RAD50: variants seen among roughly 807,000 people sequenced by gnomAD.
RAD50 encodes the protein RAD50 double strand break repair protein.
RAD50 carries 132 observed loss-of-function variants against 168.8 expected under a neutral mutation model. The ratio of observed to expected loss-of-function variants is 0.78; its 90% confidence interval spans 0.68 to 0.90. RAD50 has a LOEUF of 0.90. Among genes scored for constraint, RAD50 ranks in the 40% least tolerant of loss-of-function variants. The probability of loss-of-function intolerance (pLI) is 0.00; values close to 1 mark genes in which losing one functional copy is unlikely to be tolerated. For synonymous variants in RAD50, 525 were observed against 497.4 expected, an observed-to-expected ratio of 1.06 and a Z score of -0.74; for missense variants, 1,347 against 1,534.4, an observed-to-expected ratio of 0.88 and a Z score of 2.04.
At position 132,568,064 on chromosome 5, in the gene RAD50, A is replaced by T. The variant is rs576814777; in HGVS notation, c.214-7713A>T. On this transcript the variant is annotated intron_variant, in intron 2 of 24. Transcript: ENST00000378823. The stretch of plus-strand genomic sequence containing the variant: ...AATTAGCAGACAAGGATTTTTTTTT[A>T]AATTTTTTTTAAATTTTTTTTTTTG... 1.9e-3 allele frequency among the ~76,000 whole-genome samples: 289 copies of T among 151,848 alleles called. 1 individual carries two copies. Among genetic ancestry groups the T allele is most frequent in the East Asian group, 4.6e-3 (24 of 5,178 alleles).
At chr5:132,599,376 C>T (rs188126408) in intron 13 of RAD50, among the ~76,000 whole-genome samples, 2 of 152,232 alleles carry the variant, frequency 1.3e-5, no homozygotes, top group East Asian at 1.9e-4. Context: ...ATGATGAACC[C>T]CTGTTTGTTT....
chr5:132,603,183 T>G, intron 13 of RAD50, 117 bp from the exon 14 acceptor site: 1 of 911,054 alleles, frequency 1.1e-6, no homozygotes, highest in East Asian at 2.6e-5. Context: ...TCCACTGATA[T>G]GATACCCTGA....
intron 11 of RAD50, 150 bp from the exon 12 acceptor site, chr5:132,594,719 C>A: frequency 1.4e-6 from 1 of 714,382 alleles, no homozygotes; most frequent in Non-Finnish European, 2.3e-6. Flanking sequence ...CAGAAGTGGA[C>A]TAGTCCCTCA....
At chr5:132,626,628 C>T (rs1418140504) in intron 21 of RAD50, among the ~76,000 whole-genome samples, 6 of 152,070 alleles carry the variant, frequency 3.9e-5, no homozygotes, top group Non-Finnish European at 5.9e-5. Flanking sequence ...ATTAAGAAAA[C>T]GTAGGTTTCT....
intron 2 of RAD50, among the ~76,000 whole-genome samples, chr5:132,565,198 A>C (rs1278408024): frequency 1.3e-5 from 2 of 152,082 alleles, no homozygotes; most frequent in African/African-American, 4.8e-5. Flanking sequence ...CATGATTGTA[A>C]GTTTCCTGAG....
intron 21 of RAD50, among the ~76,000 whole-genome samples, chr5:132,619,871 G>GATATATATATATAAAGAT (rs1751253179): frequency 2.4e-5 from 2 of 84,920 alleles, no homozygotes; most frequent in East Asian, 3.0e-4. Context: ...TATATATAAA[G>GATATATATATATAAAGAT]ATATATATAT....
rs1319638903 is a variant in RAD50, at chr5:132,609,203, TAAG to T, written c.2920_2922del (p.Lys974del). On this transcript the variant is annotated inframe_deletion, in exon 18 of 25. Coordinates refer to ENST00000378823, the MANE Select transcript of RAD50 (RefSeq NM_005732.4). Reference sequence around the variant, plus strand: ...ATATTCAAGATGGGAAAGACGACTATAAGAAGGTAATTTAAAACTTAAAATTAT... The same window carrying T: ...ATATTCAAGATGGGAAAGACGACTATAAGGTAATTTAAAACTTAAAATTAT... The T allele has an allele frequency of 6.2e-7, 1 of 1,610,672 alleles. No individual in the cohort carries two copies. The highest frequency in any genetic ancestry group is 2.2e-5 in the East Asian group (1 of 44,766).
At chr5:132,579,562 T>C in intron 4 of RAD50, 60 bp downstream of exon 4, 2 of 1,524,168 alleles carry the variant, frequency 1.3e-6, no homozygotes, top group Middle Eastern at 2.3e-4. Context: ...GTTTGCAATT[T>C]GGATGCTTCT....
rs17622899 is a variant in RAD50 at position 132,579,165 on chromosome 5, C to T, written c.366-152C>T. 5,406 of 740,082 alleles carry T rather than the reference C, an allele frequency of 7.3e-3. 55 individuals carry two copies. The highest frequency in any genetic ancestry group is 0.04 in the Admixed American group (1,464 of 36,566). 45.8% of individuals were successfully genotyped at this position (740,082 alleles called of 1,614,324 possible). On this transcript the variant is annotated intron_variant, in intron 3 of 24. Coordinates refer to ENST00000378823, the MANE Select transcript of RAD50 (RefSeq NM_005732.4). ...GAACCGTTAAATAGTTTAAGAGTTA[C>T]ACTTTTTAGCATGATGAAGCCATTT...
Position 132,646,048 on chromosome 5 carries a change from C to T in RAD50, c.*3684C>T, listed in dbSNP as rs894580269. 9.5e-5 allele frequency: 14 copies of T among 147,440 alleles called. No homozygotes were observed. Among genetic ancestry groups the T allele is most frequent in the African/African-American group, 3.6e-4 (14 of 38,902 alleles). The allele number at this position is 147,440 out of a possible 1,614,324, so 9.1% of individuals were successfully genotyped here. A position where few individuals can be genotyped will look rare whatever the true frequency, so the allele number is the denominator to read the frequency against. On this transcript the variant is annotated 3_prime_UTR_variant, in exon 25 of 25. Coordinates refer to ENST00000378823, the MANE Select transcript of RAD50 (RefSeq NM_005732.4). Reference sequence around the variant, plus strand: ...GTGAGCTGTGATTTGTGCCACTGCACCCCAGCCTGGGTGGGTGGCAGAGTG... The same window carrying T: ...GTGAGCTGTGATTTGTGCCACTGCATCCCAGCCTGGGTGGGTGGCAGAGTG...
At chr5:132,634,579 G>C (rs1751538040) in intron 21 of RAD50, among the ~76,000 whole-genome samples, 1 of 151,766 alleles carries the variant, frequency 6.6e-6, no homozygotes, top group Non-Finnish European at 1.5e-5. Context: ...TGAATCGTTA[G>C]GGATTTCCAG....
chr5:132,566,843 ATCT>A (rs1233072478), intron 2 of RAD50, among the ~76,000 whole-genome samples: 2 of 152,160 alleles, frequency 1.3e-5, no homozygotes, highest in Admixed American at 1.3e-4. Flanking sequence ...AGTGACTCAG[ATCT>A]TCTCATCTGG....
chr5:132,574,928 C>T (rs998657803), intron 2 of RAD50, among the ~76,000 whole-genome samples: 1 of 152,214 alleles, frequency 6.6e-6, no homozygotes, highest in South Asian at 2.1e-4. Flanking sequence ...TCCATATCCT[C>T]ATCAGCATTT....
chr5:132,641,762 T>C (rs1258008608), intron 24 of RAD50: 1 of 180,870 alleles, frequency 5.5e-6, no homozygotes, highest in African/African-American at 2.4e-5. Context: ...TTTGTCTTTA[T>C]TACTTTTAAA....
rs958692782 is a variant in RAD50, at chr5:132,557,246, C to T, written c.-79C>T. Reference sequence around the variant, plus strand: ...ACCCTGAGATTCGCGGGTCTCACGTCCCGTGCACGCCTTGCTTCGGCCTCA... The same window carrying T: ...ACCCTGAGATTCGCGGGTCTCACGTTCCGTGCACGCCTTGCTTCGGCCTCA... On this transcript the variant is annotated 5_prime_UTR_variant, in exon 1 of 25. Coordinates refer to ENST00000378823, the MANE Select transcript of RAD50 (RefSeq NM_005732.4). 2.6e-6 allele frequency: 4 copies of T among 1,563,954 alleles called. No homozygotes were observed. The highest frequency in any genetic ancestry group is 1.7e-4 in the Middle Eastern group (1 of 5,994).
rs575485935 is a variant in RAD50, at chr5:132,645,576, C to T, written c.*3212C>T. 109 of 152,240 alleles carry T rather than the reference C, an allele frequency of 7.2e-4. 1 individual carries two copies. The highest frequency in any genetic ancestry group is 2.5e-3 in the African/African-American group (103 of 41,536). 9.4% of individuals were successfully genotyped at this position (152,240 alleles called of 1,614,324 possible). On this transcript the variant is annotated 3_prime_UTR_variant, in exon 25 of 25. Coordinates refer to ENST00000378823, the MANE Select transcript of RAD50 (RefSeq NM_005732.4). ...AGTTTGGGTTCTCCCAGAAGCAGAG[C>T]GTAAAACAATGCTTCACGTGAAAGT...
rs35515008 is a variant in RAD50, at chr5:132,558,718, CAA to C, written c.130-543_130-542del. 8.0e-3 allele frequency among the ~76,000 whole-genome samples: 610 copies of C among 75,866 alleles called. 2 individuals carry two copies. The highest frequency in any genetic ancestry group is 0.012 in the East Asian group (28 of 2,420). 49.8% of individuals were successfully genotyped at this position (75,866 alleles called of 152,430 possible). ...GACAGAGGGAGACTCTCTCCCCCCA[CAA>C]AAAAAAAAAAAAAAAAAAAAAAGTT... On this transcript the variant is annotated intron_variant, in intron 1 of 24. Transcript: ENST00000378823.
chr5:132,574,501 C>T (rs531955317), intron 2 of RAD50, among the ~76,000 whole-genome samples: 2 of 152,334 alleles, frequency 1.3e-5, no homozygotes, highest in African/African-American at 4.8e-5. Context: ...GGGGCTGTCA[C>T]AAAGGTCTCT....
chr5:132,631,930 C>T (rs1751482412), intron 21 of RAD50, among the ~76,000 whole-genome samples: 1 of 152,210 alleles, frequency 6.6e-6, no homozygotes. Context: ...ACCGTGGCAC[C>T]TTTCCCACCT....
Sources: gnomAD v4.1 joint callset for allele counts (sites outside exome capture counted in the v4.1 genomes callset) on GRCh38, gnomAD v4.1.1 for gene constraint, MANE v1.5 for transcripts, NCBI Gene and HGNC (gene_info 2026-07-23, HGNC 2026-07-21) for gene names.